ADD3: variants seen among roughly 807,000 people sequenced by gnomAD.
ADD3 encodes gamma-adducin.
A neutral mutation model predicts 80.2 loss-of-function variants in ADD3; 25 were observed. That is an observed-to-expected ratio of 0.31 (90% CI 0.23 to 0.44). ADD3 has a LOEUF of 0.44. Among genes scored for constraint, ADD3 ranks in the 20% least tolerant of loss-of-function variants. ADD3 has a pLI of 1.00. For missense variants in ADD3, 829 were observed against 847.5 expected (o/e 0.98, Z 0.27); for synonymous variants, 284 against 289.6 (o/e 0.98, Z 0.20).
chr10:110,074,314 C>G (rs568515686), intron 1 of ADD3, among the ~76,000 whole-genome samples: 1 of 152,286 alleles, frequency 6.6e-6, no homozygotes, highest in Admixed American at 6.5e-5. Flanking sequence ...TGATTTCTGG[C>G]ACTTGAAAAC....
intron 1 of ADD3, among the ~76,000 whole-genome samples, chr10:110,082,808 A>G (rs1021191636): frequency 4.6e-5 from 7 of 152,196 alleles, no homozygotes; most frequent in African/African-American, 1.7e-4. Flanking sequence ...CTCTTCTCAT[A>G]TCTTCACACT....
At chr10:110,128,371 C>A (rs1344565679) in intron 12 of ADD3, among the ~76,000 whole-genome samples, 1 of 151,208 alleles carries the variant, frequency 6.6e-6, no homozygotes, top group Non-Finnish European at 1.5e-5. Flanking sequence ...TGTTTTCTAA[C>A]CCTTTTAATT....
chr10:110,082,122 T>G (rs1846128186), intron 1 of ADD3, among the ~76,000 whole-genome samples: 1 of 152,230 alleles, frequency 6.6e-6, no homozygotes, highest in Admixed American at 6.5e-5. Flanking sequence ...CAGGAAATGC[T>G]GTTTTTCAAT....
intron 2 of ADD3, chr10:110,105,889 G>T (rs1164767186): frequency 6.6e-6 from 1 of 152,140 alleles, no homozygotes; most frequent in Non-Finnish European, 1.5e-5. Flanking sequence ...GTTGTACACA[G>T]CTTCAAGAAA....
chr10:110,087,425 T>A (rs563558724), intron 1 of ADD3, among the ~76,000 whole-genome samples: 1 of 152,366 alleles, frequency 6.6e-6, no homozygotes. Context: ...GTGTTTCCGC[T>A]ATGATGGAAG....
intron 1 of ADD3, among the ~76,000 whole-genome samples, chr10:110,012,097 C>T (rs747976039): frequency 1.3e-5 from 2 of 152,118 alleles, no homozygotes; most frequent in African/African-American, 4.8e-5. Context: ...TCTATGTATA[C>T]GTATGTCAAA....
rs190336863 is a variant in ADD3 at position 110,115,363 on chromosome 10, T to C, written c.335-896T>C. Among the ~76,000 whole-genome samples, 27 of 151,590 alleles carry C rather than the reference T, an allele frequency of 1.8e-4. No individual in the cohort carries two copies. The East Asian group carries it at 5.2e-3, about 29-fold the overall frequency. On this transcript the variant is annotated intron_variant, in intron 3 of 14. Transcript: ENST00000356080. Reference sequence around the variant, plus strand: ...GAGATCGTACCATTGCACTCAAACCTGGGCAACAAGAGTGAAACTCCGTCT... The same window carrying C: ...GAGATCGTACCATTGCACTCAAACCCGGGCAACAAGAGTGAAACTCCGTCT...
intron 13 of ADD3, among the ~76,000 whole-genome samples, chr10:110,132,094 T>G (rs1351971769): frequency 6.6e-6 from 1 of 152,224 alleles, no homozygotes; most frequent in Non-Finnish European, 1.5e-5. Context: ...GTACGTAAAA[T>G]AACCATTAGC....
At chr10:110,092,556 C>A (rs1334892305) in intron 1 of ADD3, among the ~76,000 whole-genome samples, 1 of 152,000 alleles carries the variant, frequency 6.6e-6, no homozygotes, top group African/African-American at 2.4e-5. Flanking sequence ...CAATAGACAC[C>A]CGGTCTACTT....
At chr10:110,076,726 T>C (rs1845413462) in intron 1 of ADD3, among the ~76,000 whole-genome samples, 1 of 152,250 alleles carries the variant, frequency 6.6e-6, no homozygotes, top group Admixed American at 6.5e-5. Flanking sequence ...TATAGTACTC[T>C]ACTTCCATCT....
At chr10:110,131,787 A>G (rs541029096) in intron 13 of ADD3, among the ~76,000 whole-genome samples, 1 of 152,350 alleles carries the variant, frequency 6.6e-6, no homozygotes, top group East Asian at 1.9e-4. Context: ...ATGCCAGGTA[A>G]CAAATGTTGC....
At position 110,049,657 on chromosome 10, in the gene ADD3, G is replaced by A. The variant is rs528036065; in HGVS notation, c.-30+41358G>A. 5.9e-5 allele frequency among the ~76,000 whole-genome samples: 9 copies of A among 152,288 alleles called. No homozygotes were observed. In the South Asian group the frequency reaches 1.9e-3, roughly 32 times the overall value. ...AAGCCCAGCACTTTGGGAGGCCAAG[G>A]CAGGCAGGTCACGAGGTCAGGAGAT... On this transcript the variant is annotated intron_variant, in intron 1 of 14. Transcript: ENST00000356080.
At chr10:110,058,000 A>G (rs1004230321) in intron 1 of ADD3, among the ~76,000 whole-genome samples, 3 of 152,174 alleles carry the variant, frequency 2.0e-5, no homozygotes, top group South Asian at 2.1e-4. Flanking sequence ...CCTTATGCAT[A>G]TTTGCATTTA....
At chr10:110,131,083 A>T in intron 13 of ADD3, among the ~76,000 whole-genome samples, 1 of 152,086 alleles carries the variant, frequency 6.6e-6, no homozygotes, top group East Asian at 1.9e-4. Flanking sequence ...TAAAATCTCT[A>T]TTTCTGGTTA....
chr10:110,021,246 A>C (rs1014108421), intron 1 of ADD3, among the ~76,000 whole-genome samples: 1 of 152,240 alleles, frequency 6.6e-6, no homozygotes, highest in African/African-American at 2.4e-5. Flanking sequence ...TATTTTAATC[A>C]AAATGTGAAA....
At chr10:110,106,443 T>C (rs781368582) in intron 2 of ADD3, among the ~76,000 whole-genome samples, 5 of 152,012 alleles carry the variant, frequency 3.3e-5, no homozygotes, top group Non-Finnish European at 7.4e-5. Context: ...GGATACAGAG[T>C]TTTAAAATGT....
chr10:110,001,544 C>T (rs770562425), upstream of ADD3, among the ~76,000 whole-genome samples: 2 of 152,140 alleles, frequency 1.3e-5, no homozygotes, highest in Admixed American at 6.5e-5. Context: ...CGGGGCCATC[C>T]GCATTTCACT....
At chr10:110,017,589 A>G (rs1853150657) in intron 1 of ADD3, among the ~76,000 whole-genome samples, 1 of 152,086 alleles carries the variant, frequency 6.6e-6, no homozygotes, top group Non-Finnish European at 1.5e-5. Flanking sequence ...TGTATGTATA[A>G]TATATACATA....
At chr10:110,112,953 T>G (rs747915497) in intron 3 of ADD3, 38 bp downstream of exon 3, 1 of 1,597,314 alleles carries the variant, frequency 6.3e-7, no homozygotes, top group South Asian at 1.1e-5. Flanking sequence ...ATTATAATTT[T>G]ACTTCCACTT....
Sources: gnomAD v4.1 joint callset for allele counts (sites outside exome capture counted in the v4.1 genomes callset) on GRCh38, gnomAD v4.1.1 for gene constraint, MANE v1.5 for transcripts, NCBI Gene and HGNC (gene_info 2026-07-23, HGNC 2026-07-21) for gene names.